Variants in GPC5 observed in about 807,000 individuals in gnomAD.
GPC5 encodes glypican 5.
Under a neutral mutation model 53.9 loss-of-function variants are expected in GPC5, and 47 were observed. The ratio of observed to expected loss-of-function variants is 0.87; its 90% confidence interval spans 0.69 to 1.11. The LOEUF (loss-of-function observed/expected upper bound fraction) is 1.11, where lower values mean the gene tolerates loss of function less well. Ranked by LOEUF, GPC5 falls within the 50% of genes most tolerant of loss-of-function variation. The pLI is 0.00. For synonymous variants in GPC5, 286 were observed against 263.3 expected (o/e 1.09, Z -0.84); for missense variants, 748 against 713.1 (o/e 1.05, Z -0.56).
At chr13:92,044,586 C>T (rs1454458917) in intron 6 of GPC5, among the ~76,000 whole-genome samples, 1 of 152,220 alleles carries the variant, frequency 6.6e-6, no homozygotes, top group Non-Finnish European at 1.5e-5. Flanking sequence ...ATTGGCAAAA[C>T]ATAAAACCGG....
At chr13:92,427,825 C>T (rs1304094436) in intron 7 of GPC5, among the ~76,000 whole-genome samples, 1 of 152,084 alleles carries the variant, frequency 6.6e-6, no homozygotes, top group African/African-American at 2.4e-5. Context: ...GATCTAGCTC[C>T]TTAGTTGCTA....
At chr13:92,298,758 T>C (rs1370237939) in intron 7 of GPC5, among the ~76,000 whole-genome samples, 2 of 152,122 alleles carry the variant, frequency 1.3e-5, no homozygotes, top group Admixed American at 6.5e-5. Context: ...ATTCCTGTAG[T>C]CATTCTGGAG....
At chr13:92,745,097 T>G (rs1889209107) in intron 7 of GPC5, among the ~76,000 whole-genome samples, 1 of 152,074 alleles carries the variant, frequency 6.6e-6, no homozygotes, top group South Asian at 2.1e-4. Context: ...GTTTAAAACA[T>G]TTTGACATTT....
chr13:92,283,522 C>T (rs192537418), intron 7 of GPC5, among the ~76,000 whole-genome samples: 1,555 of 152,282 alleles, frequency 0.01, 33 homozygotes, highest in African/African-American at 0.035. Flanking sequence ...TGTAAAAGAA[C>T]AGAAATTATA....
intron 7 of GPC5, among the ~76,000 whole-genome samples, chr13:92,571,332 G>A (rs371483475): frequency 4.6e-5 from 7 of 152,144 alleles, no homozygotes; most frequent in African/African-American, 1.2e-4. Context: ...TGAGGCTTAC[G>A]ACTTGGGGTT....
At chr13:92,161,537 T>C (rs911918170) in intron 7 of GPC5, among the ~76,000 whole-genome samples, 8 of 152,298 alleles carry the variant, frequency 5.3e-5, no homozygotes, top group African/African-American at 1.9e-4. Flanking sequence ...ATGTGTATAT[T>C]CAAAAGATCA....
chr13:92,824,334 G>A (rs931148285), intron 7 of GPC5, among the ~76,000 whole-genome samples: 2 of 151,838 alleles, frequency 1.3e-5, no homozygotes, highest in African/African-American at 4.8e-5. Context: ...CTTACCCCAG[G>A]GCCACCTTTC....
At chr13:91,695,181 T>C (rs910977085) in intron 3 of GPC5, among the ~76,000 whole-genome samples, 6 of 152,096 alleles carry the variant, frequency 3.9e-5, no homozygotes, top group Non-Finnish European at 8.8e-5. Flanking sequence ...AACCGGGTTC[T>C]CAACTTGATG....
chr13:91,438,629 G>C (rs1441528774), intron 1 of GPC5, among the ~76,000 whole-genome samples: 2 of 152,190 alleles, frequency 1.3e-5, no homozygotes, highest in African/African-American at 4.8e-5. Context: ...TGAGGAGGCA[G>C]CCTGTCCATA....
intron 5 of GPC5, among the ~76,000 whole-genome samples, chr13:91,780,888 T>C (rs2037787441): frequency 6.6e-6 from 1 of 152,190 alleles, no homozygotes; most frequent in South Asian, 2.1e-4. Context: ...ATAAGCTTTC[T>C]TATTCTTAGT....
chr13:92,427,362 G>C (rs1402722179), intron 7 of GPC5, among the ~76,000 whole-genome samples: 1 of 149,574 alleles, frequency 6.7e-6, no homozygotes, highest in Non-Finnish European at 1.5e-5. Flanking sequence ...AATGATAACT[G>C]ATACGATTCT....
At chr13:91,698,475 T>C (rs997737060) in intron 3 of GPC5, among the ~76,000 whole-genome samples, 7 of 152,192 alleles carry the variant, frequency 4.6e-5, no homozygotes, top group African/African-American at 1.7e-4. Flanking sequence ...ATTTAAACTA[T>C]ACCTTCAATA....
chr13:92,069,272 A>G (rs2041191260), intron 6 of GPC5, among the ~76,000 whole-genome samples: 1 of 152,144 alleles, frequency 6.6e-6, no homozygotes, highest in Non-Finnish European at 1.5e-5. Flanking sequence ...ATAGTTTGAT[A>G]GAAAATTTTC....
rs527611128 is a variant in GPC5 at position 91,497,477 on chromosome 13, A to G, written c.325+48555A>G. Among the ~76,000 whole-genome samples the G allele has an allele frequency of 5.9e-5, 9 of 152,312 alleles. No homozygotes were observed. In the South Asian group the frequency reaches 1.4e-3, roughly 25 times the overall value. On this transcript the variant is annotated intron_variant, in intron 2 of 7. Coordinates refer to ENST00000377067, the MANE Select transcript of GPC5 (RefSeq NM_004466.6). ...GATGACAATTTTTTAGTTGTTAGAAATGTCTTATCTCTTCTTCATGCCTCC... is the reference window on the plus strand; with the variant it reads ...GATGACAATTTTTTAGTTGTTAGAAGTGTCTTATCTCTTCTTCATGCCTCC...
intron 7 of GPC5, among the ~76,000 whole-genome samples, chr13:92,669,047 A>G (rs569230515): frequency 9.9e-5 from 15 of 152,276 alleles, no homozygotes; most frequent in South Asian, 2.1e-4. Context: ...GAAAAATAAT[A>G]CTACTATAAT....
At chr13:91,957,133 GT>G (rs1193871361) in intron 6 of GPC5, among the ~76,000 whole-genome samples, 1 of 152,000 alleles carries the variant, frequency 6.6e-6, no homozygotes, top group African/African-American at 2.4e-5. Flanking sequence ...ACATATCATA[GT>G]AAAAAAATGG....
chr13:91,490,390 G>GTC (rs1883876915), intron 2 of GPC5, among the ~76,000 whole-genome samples: 1 of 152,130 alleles, frequency 6.6e-6, no homozygotes, highest in Non-Finnish European at 1.5e-5. Context: ...GAAAGGTAAT[G>GTC]ATTTTGGATC....
At chr13:92,370,843 C>T (rs1166025897) in intron 7 of GPC5, among the ~76,000 whole-genome samples, 1 of 152,102 alleles carries the variant, frequency 6.6e-6, no homozygotes, top group East Asian at 1.9e-4. Flanking sequence ...GAACACATTT[C>T]TTTTGGTAAA....
chr13:91,483,915 A>G (rs568041954), intron 2 of GPC5, among the ~76,000 whole-genome samples: 7 of 152,288 alleles, frequency 4.6e-5, no homozygotes, highest in African/African-American at 1.7e-4. Flanking sequence ...AAGCCTATGA[A>G]TAATGTTAAG....
Sources: allele counts gnomAD v4.1 joint callset (sites outside exome capture counted in the v4.1 genomes callset), GRCh38; gene constraint gnomAD v4.1.1; transcripts MANE v1.5; gene names NCBI Gene and HGNC (gene_info 2026-07-23, HGNC 2026-07-21).